The following SFSWAP variants were observed in gnomAD, a reference collection of about 807,000 sequenced individuals.
SFSWAP encodes the protein splicing factor SWAP, also known as splicing factor, suppressor of white-apricot homolog.
Under a neutral mutation model 100.7 loss-of-function variants are expected in SFSWAP, and 17 were observed. The ratio of observed to expected loss-of-function variants is 0.17; its 90% CI spans 0.12 to 0.25. SFSWAP has a LOEUF of 0.25. Ranked by LOEUF, SFSWAP falls within the 10% of genes least tolerant of loss-of-function variation. The pLI is 1.00. For synonymous variants in SFSWAP, 504 were observed against 510.1 expected (o/e 0.99, Z 0.16); for missense variants, 1,005 against 1,262.6 (o/e 0.80, Z 3.09).
intron 15 of SFSWAP, among the ~76,000 whole-genome samples, chr12:131,790,350 C>CCTGG (rs1342011547): frequency 1.3e-5 from 2 of 152,142 alleles, no homozygotes; most frequent in Non-Finnish European, 2.9e-5. Context: ...CTGCTCCAGC[C>CCTGG]CTGGAATCTA....
Position 131,766,011 on chromosome 12 carries a change from AC to A in SFSWAP, c.1952-106del, listed in dbSNP as rs1883088695. On this transcript the variant is annotated intron_variant, in intron 12 of 17. Transcript: ENST00000261674. ...GTCCAATGTATGTACCTATTCAGAA[AC>A]TTTAACTAACTGCATTGTATGACAC... is the stretch of plus-strand genomic sequence containing the variant. The A allele has an allele frequency of 3.6e-6, 4 of 1,124,784 alleles. No homozygotes were observed. The African/African-American group carries it at 6.2e-5, about 17-fold the overall frequency. 69.7% of individuals were successfully genotyped at this position (1,124,784 alleles called of 1,614,324 possible). A position where few individuals can be genotyped will look rare whatever the true frequency, so the allele number is the denominator to read the frequency against.
intron 4 of SFSWAP, among the ~76,000 whole-genome samples, chr12:131,724,027 A>T (rs536533970): frequency 6.6e-6 from 1 of 152,324 alleles, no homozygotes; most frequent in East Asian, 1.9e-4. Flanking sequence ...TCTGCCTAAT[A>T]AAGTAAAGAA....
chr12:131,718,839 A>T (rs532739370), intron 3 of SFSWAP, among the ~76,000 whole-genome samples: 2 of 152,294 alleles, frequency 1.3e-5, no homozygotes, highest in South Asian at 4.1e-4. Context: ...TATGGTAGAG[A>T]TGTTCACATG....
At chr12:131,751,226 G>A (rs1881594226) in intron 7 of SFSWAP, among the ~76,000 whole-genome samples, 1 of 152,156 alleles carries the variant, frequency 6.6e-6, no homozygotes, top group South Asian at 2.1e-4. Context: ...AAAGAATGCA[G>A]GTATCAGGTT....
intron 14 of SFSWAP, chr12:131,784,011 G>T (rs186604290): frequency 2.6e-5 from 4 of 151,636 alleles, no homozygotes; most frequent in Admixed American, 6.6e-5. Flanking sequence ...TAGCAAATCC[G>T]TAAAAGCGAT....
intron 13 of SFSWAP, among the ~76,000 whole-genome samples, chr12:131,774,104 G>C (rs1291515081): frequency 6.6e-6 from 1 of 152,162 alleles, no homozygotes; most frequent in Non-Finnish European, 1.5e-5. Flanking sequence ...CCGCATTTCC[G>C]CTGAGACAGT....
chr12:131,753,034 C>G (rs528187473), intron 7 of SFSWAP, 89 bp from the exon 8 acceptor site: 14 of 1,558,512 alleles, frequency 9.0e-6, no homozygotes, highest in African/African-American at 2.7e-5. Flanking sequence ...CTGCATCTTG[C>G]CGGGGGAAGG....
chr12:131,793,330 T>C lies in SFSWAP; in HGVS notation c.2535-3848T>C, dbSNP rs190653736. ...AACTCCCAGGCTCAAGCAGTCCTCC[T>C]ACCTTGGCCTCCGAAAATGCTGTGA... On this transcript the variant is annotated intron_variant, in intron 15 of 17. Transcript: ENST00000261674. 2.6e-4 allele frequency among the ~76,000 whole-genome samples: 40 copies of C among 152,166 alleles called. No individual in the cohort carries two copies. The East Asian group carries it at 7.4e-3, about 28-fold the overall frequency.
intron 15 of SFSWAP, among the ~76,000 whole-genome samples, chr12:131,792,601 C>T (rs1885345852): frequency 6.6e-6 from 1 of 152,026 alleles, no homozygotes; most frequent in Non-Finnish European, 1.5e-5. Flanking sequence ...CAGACCAGTG[C>T]TGTGTGTGCA....
intron 13 of SFSWAP, among the ~76,000 whole-genome samples, chr12:131,768,754 C>T (rs1883330552): frequency 6.6e-6 from 1 of 152,210 alleles, no homozygotes; most frequent in South Asian, 2.1e-4. Context: ...CACAGCTCTT[C>T]AGAGTCGGGG....
chr12:131,775,397 A>G (rs535345224), intron 13 of SFSWAP, among the ~76,000 whole-genome samples: 4 of 152,268 alleles, frequency 2.6e-5, no homozygotes, highest in East Asian at 3.9e-4. Context: ...GAGGTTCCCA[A>G]TGGCGTCTTT....
chr12:131,749,965 G>A (rs181049361), intron 7 of SFSWAP, among the ~76,000 whole-genome samples: 5 of 152,322 alleles, frequency 3.3e-5, no homozygotes, highest in Admixed American at 2.6e-4. Flanking sequence ...AGCTGAATAG[G>A]GGCCTCATGG....
At position 131,795,175 on chromosome 12, in the gene SFSWAP, T is replaced by C. The variant is rs1885536896; in HGVS notation, c.2535-2003T>C. 2.0e-5 allele frequency among the ~76,000 whole-genome samples: 3 copies of C among 152,184 alleles called. No homozygotes were observed. In the South Asian group the frequency reaches 6.2e-4, roughly 32 times the overall value. ...GCACGTCAGGCAGGCTTCCAGAAGA[T>C]GCCAAGTCATCTGCCCGGGCCCAGC... On this transcript the variant is annotated intron_variant, in intron 15 of 17. Coordinates refer to ENST00000261674, the MANE Select transcript of SFSWAP (RefSeq NM_004592.4).
At position 131,767,250 on chromosome 12, in the gene SFSWAP, G is replaced by A. The variant is rs1032136647; in HGVS notation, c.2142+942G>A. ...CTTCAGGAAACACATGCCTTCCGCA[G>A]CAGCAGCACAGCAATTAATCATAAT... On this transcript the variant is annotated intron_variant, in intron 13 of 17. Coordinates refer to ENST00000261674, the MANE Select transcript of SFSWAP (RefSeq NM_004592.4). Among the ~76,000 whole-genome samples the A allele has an allele frequency of 5.9e-5, 9 of 152,378 alleles. No homozygotes were observed. The East Asian group carries it at 1.3e-3, about 23-fold the overall frequency.
At chr12:131,746,083 G>A (rs909472231) in intron 7 of SFSWAP, among the ~76,000 whole-genome samples, 10 of 152,218 alleles carry the variant, frequency 6.6e-5, no homozygotes, top group Admixed American at 1.3e-4. Context: ...ATGTACATGC[G>A]TAGTATTACA....
intron 7 of SFSWAP, among the ~76,000 whole-genome samples, chr12:131,745,051 A>T (rs1880987571): frequency 6.6e-6 from 1 of 152,232 alleles, no homozygotes; most frequent in Non-Finnish European, 1.5e-5. Context: ...AATCAAGATG[A>T]GATGTGGGTG....
chr12:131,743,765 A>C (rs1168927411), intron 7 of SFSWAP, among the ~76,000 whole-genome samples: 1 of 152,168 alleles, frequency 6.6e-6, no homozygotes, highest in Non-Finnish European at 1.5e-5. Context: ...TTTCCCCTCC[A>C]CACTGCCCTA....
rs1255630303 is a variant in SFSWAP at position 131,712,000 on chromosome 12, C to G, written c.218+553C>G. 6.6e-6 allele frequency: 1 copy of G among 152,560 alleles called. No individual in the cohort carries two copies. The highest frequency in any genetic ancestry group is 2.4e-5 in the African/African-American group (1 of 41,438). The allele number at this position is 152,560 out of a possible 1,614,324, so 9.5% of individuals were successfully genotyped here. On this transcript the variant is annotated intron_variant, in intron 1 of 17. Transcript: ENST00000261674. The surrounding 1 kb of genome is among the most constrained non-coding windows in gnomAD (Gnocchi z 4.9). ...CAGAGCCCTCAGTGGAGCGCCCGTA[C>G]TTTGCCGGCATGACGTTTGATTTCC...
intron 14 of SFSWAP, among the ~76,000 whole-genome samples, chr12:131,781,945 G>A (rs1884538046): frequency 6.6e-6 from 1 of 152,214 alleles, no homozygotes; most frequent in African/African-American, 2.4e-5. Context: ...TACCGTGGGT[G>A]CTGGCCCCTG....
Sources: gnomAD v4.1 joint callset for allele counts (sites outside exome capture counted in the v4.1 genomes callset) on GRCh38, gnomAD v4.1.1 for gene constraint, Gnocchi (gnomAD v3.1) non-coding constraint, MANE v1.5 for transcripts, NCBI Gene and HGNC (gene_info 2026-07-23, HGNC 2026-07-21) for gene names.